The following GPC5 variants were observed in gnomAD, a reference collection of about 807,000 sequenced individuals.
GPC5 encodes the protein glypican 5.
Under a neutral mutation model 53.9 loss-of-function variants are expected in GPC5, and 47 were observed. The observed-to-expected ratio is 0.87, with a 90% CI of 0.69 to 1.11. The LOEUF is 1.11. Ranked by LOEUF, GPC5 falls within the 50% of genes most tolerant of loss-of-function variation. The probability of loss-of-function intolerance (pLI) is 0.00; values close to 1 mark genes in which losing one functional copy is unlikely to be tolerated. For missense variants in GPC5, 748 were observed against 713.1 expected, an observed-to-expected ratio of 1.05 and a Z score of -0.56; for synonymous variants, 286 against 263.3, an observed-to-expected ratio of 1.09 and a Z score of -0.84.
chr13:91,531,771 G>A (rs1886355853), intron 2 of GPC5, among the ~76,000 whole-genome samples: 1 of 152,158 alleles, frequency 6.6e-6, no homozygotes, highest in Non-Finnish European at 1.5e-5. Flanking sequence ...AAGCTTTAAA[G>A]GGTAAATACT....
chr13:92,222,910 G>A (rs1390941769), intron 7 of GPC5, among the ~76,000 whole-genome samples: 1 of 152,106 alleles, frequency 6.6e-6, no homozygotes, highest in Non-Finnish European at 1.5e-5. Flanking sequence ...ATATCAGTAT[G>A]TACCAGCTAT....
intron 7 of GPC5, among the ~76,000 whole-genome samples, chr13:92,203,646 ATAT>A: frequency 8.3e-6 from 1 of 119,772 alleles, no homozygotes; most frequent in African/African-American, 2.7e-5. Context: ...ATAAAAAAAT[ATAT>A]ATATATAAAA....
At chr13:92,034,703 G>A (rs1479765151) in intron 6 of GPC5, among the ~76,000 whole-genome samples, 2 of 151,902 alleles carry the variant, frequency 1.3e-5, no homozygotes, top group African/African-American at 4.8e-5. Flanking sequence ...TCTCCTGTTT[G>A]CATATTTTAT....
intron 5 of GPC5, among the ~76,000 whole-genome samples, chr13:91,880,287 T>C (rs1210990111): frequency 6.6e-6 from 1 of 151,632 alleles, no homozygotes; most frequent in African/African-American, 2.4e-5. Context: ...TGTATTTTTA[T>C]GTTTTTCTCT....
intron 3 of GPC5, among the ~76,000 whole-genome samples, chr13:91,720,862 C>G (rs2036448228): frequency 6.6e-6 from 1 of 152,144 alleles, no homozygotes; most frequent in African/African-American, 2.4e-5. Context: ...ATCCACCCCT[C>G]AAGTTCTGCT....
intron 7 of GPC5, among the ~76,000 whole-genome samples, chr13:92,627,689 C>A (rs1885091690): frequency 6.6e-6 from 1 of 152,152 alleles, no homozygotes; most frequent in South Asian, 2.1e-4. Context: ...TTGTTTACAG[C>A]CTCAACAAAT....
At chr13:92,176,840 C>A (rs2042112338) in intron 7 of GPC5, among the ~76,000 whole-genome samples, 1 of 152,164 alleles carries the variant, frequency 6.6e-6, no homozygotes, top group African/African-American at 2.4e-5. Flanking sequence ...GTATACACTG[C>A]TTCTTTACAT....
chr13:92,170,419 G>GC (rs2042061506), intron 7 of GPC5, among the ~76,000 whole-genome samples: 3 of 80,320 alleles, frequency 3.7e-5, no homozygotes, highest in African/African-American at 1.5e-4. Context: ...TCTTTTCTTT[G>GC]CTTTTTTTTT....
chr13:92,074,710 A>C (rs573798837), intron 6 of GPC5, among the ~76,000 whole-genome samples: 34 of 152,306 alleles, frequency 2.2e-4, no homozygotes, highest in Non-Finnish European at 4.6e-4. Flanking sequence ...AATATGCAGG[A>C]AGGTATTTGT....
chr13:92,621,855 C>T (rs1237057258), intron 7 of GPC5, among the ~76,000 whole-genome samples: 4 of 152,102 alleles, frequency 2.6e-5, no homozygotes, highest in Non-Finnish European at 1.5e-5. Flanking sequence ...CTCTCCAGCT[C>T]AAGCCAGTCT....
intron 7 of GPC5, among the ~76,000 whole-genome samples, chr13:92,580,776 G>C (rs1883344416): frequency 6.6e-6 from 1 of 152,096 alleles, no homozygotes; most frequent in African/African-American, 2.4e-5. Flanking sequence ...CAAGAGGATG[G>C]TGCTAAACTG....
chr13:92,243,121 G>C (rs1415534152), intron 7 of GPC5, among the ~76,000 whole-genome samples: 2 of 152,118 alleles, frequency 1.3e-5, no homozygotes, highest in African/African-American at 4.8e-5. Flanking sequence ...CTACAAGCCT[G>C]TATTTGTTTG....
rs372624971 is a variant in GPC5 at position 91,674,696 on chromosome 13, G to A, written c.326-18491G>A. On this transcript the variant is annotated intron_variant, in intron 2 of 7. Coordinates refer to ENST00000377067, the MANE Select transcript of GPC5 (RefSeq NM_004466.6). Reference sequence around the variant, plus strand: ...TATATATGCGTATGTGTATATATATGTATATATATTAATTATATATATATA... The same window carrying A: ...TATATATGCGTATGTGTATATATATATATATATATTAATTATATATATATA... Among the ~76,000 whole-genome samples the A allele has an allele frequency of 1.1e-4, 16 of 146,722 alleles. No individual in the cohort carries two copies. In the East Asian group the frequency reaches 3.2e-3, roughly 29 times the overall value.
chr13:92,445,436 G>T (rs1292907045), intron 7 of GPC5, among the ~76,000 whole-genome samples: 1 of 150,160 alleles, frequency 6.7e-6, no homozygotes, highest in African/African-American at 2.5e-5. Context: ...TTTAGCATTA[G>T]GTATATCTCC....
chr13:91,639,664 A>G (rs1413147678), intron 2 of GPC5, among the ~76,000 whole-genome samples: 3 of 131,714 alleles, frequency 2.3e-5, no homozygotes, highest in Admixed American at 7.8e-5. Context: ...GGTAAAATAG[A>G]GTCATTCTGA....
At chr13:91,778,052 T>TTC (rs1470011076) in intron 5 of GPC5, among the ~76,000 whole-genome samples, 1 of 151,156 alleles carries the variant, frequency 6.6e-6, no homozygotes, top group Non-Finnish European at 1.5e-5. Context: ...TAGGGATGGC[T>TTC]AAAAGGATCC....
At chr13:92,835,048 CA>C (rs1878177860) in intron 7 of GPC5, among the ~76,000 whole-genome samples, 1 of 152,094 alleles carries the variant, frequency 6.6e-6, no homozygotes, top group East Asian at 1.9e-4. Flanking sequence ...TAATGTCAAC[CA>C]AGAGTTGAGC....
chr13:91,435,869 G>C (rs1046821145), intron 1 of GPC5, among the ~76,000 whole-genome samples: 3 of 152,212 alleles, frequency 2.0e-5, no homozygotes, highest in Non-Finnish European at 4.4e-5. Context: ...TTCAGAGCCT[G>C]TTATTGGTCT....
At chr13:91,984,871 A>C (rs2040392382) in intron 6 of GPC5, among the ~76,000 whole-genome samples, 1 of 152,168 alleles carries the variant, frequency 6.6e-6, no homozygotes, top group South Asian at 2.1e-4. Flanking sequence ...AGAATTTTTG[A>C]GATTTGCTTT....
Sources: gnomAD v4.1 joint callset for allele counts (sites outside exome capture counted in the v4.1 genomes callset) on GRCh38, gnomAD v4.1.1 for gene constraint, MANE v1.5 for transcripts, NCBI Gene and HGNC (gene_info 2026-07-23, HGNC 2026-07-21) for gene names.